Variants in DLD observed in about 807,000 individuals in gnomAD.
DLD encodes the protein dihydrolipoyl dehydrogenase, mitochondrial.
In DLD, 36 loss-of-function variants were observed where a neutral mutation model predicts 62.2. The ratio of observed to expected loss-of-function variants is 0.58; its 90% CI spans 0.44 to 0.76. The LOEUF (loss-of-function observed/expected upper bound fraction) is 0.76. Among genes scored for constraint, DLD ranks in the 30% least tolerant of loss-of-function variants. The pLI is 0.00. For synonymous variants in DLD, 204 were observed against 199.6 expected (o/e 1.02, Z -0.19); for missense variants, 541 against 608.6 (o/e 0.89, Z 1.17).
chr7:107,903,749 T>C, intron 5 of DLD: 2 of 451,388 alleles, frequency 4.4e-6, no homozygotes, highest in South Asian at 2.3e-5. Flanking sequence ...TAACCAAGCC[T>C]AACCCTGCAA....
chr7:107,908,553 A>G (rs2032064668), intron 8 of DLD, among the ~76,000 whole-genome samples: 1 of 151,874 alleles, frequency 6.6e-6, no homozygotes, highest in Admixed American at 6.6e-5. Flanking sequence ...CTGTAGTCCC[A>G]GCTACTCAGG....
chr7:107,891,107 A>G (rs1386274558), upstream of DLD: 11 of 1,021,246 alleles, frequency 1.1e-5, no homozygotes, highest in East Asian at 2.5e-5. Flanking sequence ...CTCGTGCGGT[A>G]GAACCGCGCG....
At chr7:107,906,205 G>A in intron 7 of DLD, 62 bp from the exon 8 acceptor site, 1 of 1,033,044 alleles carries the variant, frequency 9.7e-7, no homozygotes, top group Non-Finnish European at 1.5e-6. Context: ...CATGGATATG[G>A]AGGGTCGACT....
chr7:107,918,955 A>C, intron 12 of DLD, 55 bp from the exon 13 acceptor site: 2 of 1,395,252 alleles, frequency 1.4e-6, no homozygotes, highest in South Asian at 1.2e-5. Flanking sequence ...TTGCTATCCT[A>C]TTAGCATGTA....
Position 107,916,959 on chromosome 7 carries a change from T to A in DLD, c.1041T>A (p.Ile347=). The change falls in exon 10 of 14, where the codon ATT becomes ATA. Residue 347 remains isoleucine, a synonymous_variant. Coordinates refer to ENST00000205402, the MANE Select transcript of DLD (RefSeq NM_000108.5). ...IPVNTRFQTK[I]PNIYAIGDVV... is the part of the protein sequence containing the mutation. ...TCAATACCAGATTTCAAACTAAAATTCCAAAGTAAGTTGGATAATTGTCTG... is the reference window on the plus strand; with the variant it reads ...TCAATACCAGATTTCAAACTAAAATACCAAAGTAAGTTGGATAATTGTCTG... 1 of 1,613,754 alleles carries A rather than the reference T, an allele frequency of 6.2e-7. No individual in the cohort carries two copies. Among genetic ancestry groups the A allele is most frequent in the East Asian group, 2.2e-5 (1 of 44,854 alleles).
In DLD at chr7:107,920,333, C is replaced by G. The variant is rs149275540; in HGVS notation, c.*1074C>G. The G allele has an allele frequency of 4.9e-3, 747 of 152,434 alleles. 3 individuals are homozygous for G. Among genetic ancestry groups the G allele is most frequent in the African/African-American group, 0.017 (706 of 41,560 alleles). The allele number at this position is 152,434 out of a possible 1,614,324, so 9.4% of individuals were successfully genotyped here. ...CTAAGTAGGCTTTTGCATATTGTAA[C>G]TAAATTTAAGAATAATTCAGATTAA... On this transcript the variant is annotated 3_prime_UTR_variant, in exon 14 of 14. Coordinates refer to ENST00000205402, the MANE Select transcript of DLD (RefSeq NM_000108.5).
intron 2 of DLD, among the ~76,000 whole-genome samples, chr7:107,899,244 T>G (rs1161831456): frequency 6.6e-6 from 1 of 151,500 alleles, no homozygotes; most frequent in Non-Finnish European, 1.5e-5. Flanking sequence ...GATCTTTACA[T>G]AAAGAGTCTG....
intron 8 of DLD, among the ~76,000 whole-genome samples, chr7:107,910,337 A>C (rs182326985): frequency 1.4e-4 from 21 of 152,356 alleles, no homozygotes; most frequent in African/African-American, 4.3e-4. Context: ...CTATTTCTTC[A>C]TCTCAGCAGT....
intron 2 of DLD, among the ~76,000 whole-genome samples, chr7:107,894,737 C>A (rs2031675169): frequency 6.6e-6 from 1 of 152,190 alleles, no homozygotes; most frequent in African/African-American, 2.4e-5. Context: ...TGGAATGAGG[C>A]TGAGTGTTCC....
At chr7:107,905,951 C>T (rs1390501255) in intron 7 of DLD, among the ~76,000 whole-genome samples, 3 of 152,120 alleles carry the variant, frequency 2.0e-5, no homozygotes, top group African/African-American at 7.2e-5. Flanking sequence ...GCTCAAGTGC[C>T]TTACATAAAA....
At chr7:107,898,019 G>A (rs1346061245) in intron 2 of DLD, among the ~76,000 whole-genome samples, 1 of 151,910 alleles carries the variant, frequency 6.6e-6, no homozygotes, top group Admixed American at 6.6e-5. Context: ...TACTTTTCTT[G>A]ACTTTTTTCT....
intron 11 of DLD, 100 bp from the exon 12 acceptor site, chr7:107,917,824 C>T (rs2032307910): frequency 6.6e-7 from 1 of 1,508,790 alleles, no homozygotes; most frequent in African/African-American, 1.4e-5. Flanking sequence ...GAACAATTCC[C>T]TTCTTGGGAT....
chr7:107,911,482 AT>A (rs778956388), intron 8 of DLD, among the ~76,000 whole-genome samples: 10 of 151,974 alleles, frequency 6.6e-5, no homozygotes, highest in Non-Finnish European at 1.3e-4. Flanking sequence ...ATCTGTTTTC[AT>A]TTCTCTTGGG....
intron 12 of DLD, 64 bp downstream of exon 12, chr7:107,918,125 T>C: frequency 6.4e-7 from 1 of 1,573,886 alleles, no homozygotes. Flanking sequence ...GTTTATTAAT[T>C]ATAAACCACC....
At chr7:107,891,483 G>A (rs1474002465) in intron 1 of DLD, 194 bp downstream of exon 1, 3 of 664,950 alleles carry the variant, frequency 4.5e-6, no homozygotes, top group Non-Finnish European at 7.9e-6. Context: ...AGCAGGCGAG[G>A]GACGGGGCTG....
rs971046572 is a variant in DLD, at chr7:107,893,188, T to C, written c.40-12T>C. 2 of 1,611,356 alleles carry C rather than the reference T, an allele frequency of 1.2e-6. No homozygotes were observed. The highest frequency in any genetic ancestry group is 2.7e-5 in the African/African-American group (2 of 75,026). On this transcript the variant is annotated splice_polypyrimidine_tract_variant and intron_variant, in intron 1 of 13. Coordinates refer to ENST00000205402, the MANE Select transcript of DLD (RefSeq NM_000108.5). ...TCATATCTTACATAATAGGGACATT[T>C]TCTTTTTCTAGAGAGGCCATTTCAA...
At chr7:107,891,602 C>G (rs904245595) in intron 1 of DLD, 1 of 545,194 alleles carries the variant, frequency 1.8e-6, no homozygotes, top group Non-Finnish European at 3.3e-6. Flanking sequence ...AGGCCTCTAC[C>G]TTGGAGGAAG....
At position 107,915,696 on chromosome 7, in the gene DLD, C is replaced by T. The variant is rs201652869; in HGVS notation, c.875C>T (p.Ser292Phe). ...TKKSDGKIDV[S>F]IEAASGGKAE... Reference sequence around the variant, plus strand: ...AAGTCAGATGGAAAAATTGATGTTTCGTAAGTATACATCATTTGTTTTTGA... The same window carrying T: ...AAGTCAGATGGAAAAATTGATGTTTTGTAAGTATACATCATTTGTTTTTGA... The change falls in exon 9 of 14, where the codon TCT becomes TTT. Residue 292 changes from serine to phenylalanine, a missense_variant and splice_region_variant. Ser to Phe is a radical substitution (Grantham distance 155). Transcript: ENST00000205402. 14 of 1,611,732 alleles carry T rather than the reference C, an allele frequency of 8.7e-6. No homozygotes were observed. Among genetic ancestry groups the T allele is most frequent in the African/African-American group, 1.3e-5 (1 of 74,952 alleles).
intron 5 of DLD, among the ~76,000 whole-genome samples, chr7:107,904,192 G>C (rs773912390): frequency 8.6e-5 from 13 of 151,998 alleles, no homozygotes; most frequent in Non-Finnish European, 1.9e-4. Flanking sequence ...CAATCCATTG[G>C]GTATAGAGAT....
Sources: allele counts gnomAD v4.1 joint callset (sites outside exome capture counted in the v4.1 genomes callset), GRCh38; gene constraint gnomAD v4.1.1; transcripts MANE v1.5; gene names NCBI Gene and HGNC (gene_info 2026-07-23, HGNC 2026-07-21).